Variants in EYA2 observed in about 807,000 individuals in gnomAD.
EYA2 encodes EYA transcriptional coactivator and phosphatase 2, also known as protein phosphatase EYA2.
A neutral mutation model predicts 69.2 loss-of-function variants in EYA2; 31 were observed. The observed-to-expected ratio is 0.45, with a 90% confidence interval of 0.34 to 0.60. The LOEUF (loss-of-function observed/expected upper bound fraction) is 0.60. Among genes scored for constraint, EYA2 ranks in the 20% least tolerant of loss-of-function variants. The pLI is 0.02. For missense variants in EYA2, 622 were observed against 701.2 expected (o/e 0.89, Z 1.28); for synonymous variants, 257 against 279.4 (o/e 0.92, Z 0.80).
At chr20:47,034,130 T>A (rs73123721) in intron 5 of EYA2, among the ~76,000 whole-genome samples, 2,789 of 152,360 alleles carry the variant, frequency 0.018, 44 homozygotes, top group Non-Finnish European at 0.03. Context: ...AAACCCTAGG[T>A]TTAAGGTCTT....
At chr20:47,156,962 G>C (rs910730463) in intron 10 of EYA2, among the ~76,000 whole-genome samples, 10 of 151,940 alleles carry the variant, frequency 6.6e-5, no homozygotes, top group Non-Finnish European at 1.3e-4. Context: ...ACCACAGCAG[G>C]AGAGTTTGAG....
At chr20:47,112,894 C>T (rs1432385826) in intron 9 of EYA2, among the ~76,000 whole-genome samples, 3 of 31,528 alleles carry the variant, frequency 9.5e-5, no homozygotes, top group South Asian at 1.2e-3. Context: ...TTTTTTGAGA[C>T]GGAGTCTTAT....
chr20:46,945,761 C>G (rs1260690845), intron 1 of EYA2, among the ~76,000 whole-genome samples: 1 of 152,230 alleles, frequency 6.6e-6, no homozygotes, highest in Non-Finnish European at 1.5e-5. Context: ...TCTGCCTAGT[C>G]AGCTTTTGTA....
Position 47,004,909 on chromosome 20 carries a change from C to T in EYA2, c.156-33C>T, listed in dbSNP as rs748079266. On this transcript the variant is annotated intron_variant, in intron 3 of 15. Transcript: ENST00000327619. Reference sequence around the variant, plus strand: ...AAGGAAGAAGGGGTGCCAGACTGGGCCTGGAGATTTAATCTTCCCTCTTTC... The same window carrying T: ...AAGGAAGAAGGGGTGCCAGACTGGGTCTGGAGATTTAATCTTCCCTCTTTC... 11 of 1,613,986 alleles carry T rather than the reference C, an allele frequency of 6.8e-6. No individual in the cohort carries two copies. In the South Asian group the frequency reaches 7.7e-5, roughly 11 times the overall value.
At chr20:47,163,768 G>A (rs1371068526) in intron 10 of EYA2, among the ~76,000 whole-genome samples, 1 of 150,730 alleles carries the variant, frequency 6.6e-6, no homozygotes, top group Non-Finnish European at 1.5e-5. Flanking sequence ...CCACTGAATG[G>A]ATATACCACA....
intron 9 of EYA2, among the ~76,000 whole-genome samples, chr20:47,139,684 C>T (rs1349374391): frequency 2.6e-5 from 4 of 152,172 alleles, no homozygotes; most frequent in Non-Finnish European, 5.9e-5. Context: ...CCCGCCTCGG[C>T]CTCCCAAAGC....
At chr20:47,004,877 T>G (rs767986550) in intron 3 of EYA2, 65 bp from the exon 4 acceptor site, 25 of 1,611,988 alleles carry the variant, frequency 1.6e-5, no homozygotes, top group Non-Finnish European at 2.1e-5. Flanking sequence ...GGTGTTGATA[T>G]CAAGATAAGG....
At chr20:47,135,931 T>C in intron 9 of EYA2, among the ~76,000 whole-genome samples, 1 of 147,328 alleles carries the variant, frequency 6.8e-6, no homozygotes, top group Non-Finnish European at 1.5e-5. Context: ...GAGGCTGAGG[T>C]GTGAGGATCA....
chr20:47,139,314 A>G (rs1299436037), intron 9 of EYA2, among the ~76,000 whole-genome samples: 2 of 152,252 alleles, frequency 1.3e-5, no homozygotes, highest in Non-Finnish European at 2.9e-5. Context: ...TCATAGTTCT[A>G]CAAAGGAATA....
chr20:47,037,352 A>G (rs1383182769), intron 5 of EYA2, among the ~76,000 whole-genome samples: 2 of 152,226 alleles, frequency 1.3e-5, no homozygotes, highest in Non-Finnish European at 2.9e-5. Flanking sequence ...TAGTGATTAA[A>G]TGAGTCAAAA....
chr20:47,113,802 C>G (rs185152882), intron 9 of EYA2, among the ~76,000 whole-genome samples: 1 of 152,164 alleles, frequency 6.6e-6, no homozygotes. Context: ...TTCTGCTTTT[C>G]AGAGTGAATC....
At chr20:47,025,071 C>T (rs57643995) in intron 5 of EYA2, among the ~76,000 whole-genome samples, 3,388 of 152,244 alleles carry the variant, frequency 0.022, 90 homozygotes, top group African/African-American at 0.067. Context: ...TGCATTTTGC[C>T]CTTGTTTCCA....
At chr20:46,929,604 C>A (rs1442548165) in intron 1 of EYA2, among the ~76,000 whole-genome samples, 1 of 151,934 alleles carries the variant, frequency 6.6e-6, no homozygotes, top group African/African-American at 2.4e-5. Flanking sequence ...TACAGGGAGT[C>A]CAGCTTTAAG....
At chr20:47,051,348 G>A (rs988321650) in intron 5 of EYA2, among the ~76,000 whole-genome samples, 7 of 152,212 alleles carry the variant, frequency 4.6e-5, no homozygotes, top group Non-Finnish European at 1.0e-4. Flanking sequence ...GAAGAAGTAG[G>A]GGGGCGGATT....
intron 9 of EYA2, among the ~76,000 whole-genome samples, chr20:47,138,509 G>A (rs1031337738): frequency 6.6e-6 from 1 of 152,130 alleles, no homozygotes; most frequent in African/African-American, 2.4e-5. Context: ...TAGCACTTTG[G>A]GAGGCCGAGG....
intron 5 of EYA2, among the ~76,000 whole-genome samples, chr20:47,053,685 A>AT (rs1368609615): frequency 6.6e-6 from 1 of 150,706 alleles, no homozygotes; most frequent in Non-Finnish European, 1.5e-5. Context: ...AAAAAAAAAA[A>AT]AGAGTAAGAT....
At chr20:47,029,772 T>TAC (rs1244788838) in intron 5 of EYA2, among the ~76,000 whole-genome samples, 1 of 152,212 alleles carries the variant, frequency 6.6e-6, no homozygotes, top group South Asian at 2.1e-4. Flanking sequence ...CTACAACACA[T>TAC]AATTGAACAT....
At chr20:47,084,858 C>T (rs1463914734) in intron 7 of EYA2, among the ~76,000 whole-genome samples, 1 of 131,038 alleles carries the variant, frequency 7.6e-6, no homozygotes, top group Non-Finnish European at 1.6e-5. Context: ...TTTTTTGAGA[C>T]AGGTTCTCAC....
At chr20:47,179,510 A>G (rs1286944187) in intron 12 of EYA2, among the ~76,000 whole-genome samples, 1 of 113,114 alleles carries the variant, frequency 8.8e-6, no homozygotes, top group African/African-American at 3.5e-5. Flanking sequence ...GGGTGGATGG[A>G]TGGGTGGATA....
Sources: gnomAD v4.1 joint callset for allele counts (sites outside exome capture counted in the v4.1 genomes callset) on GRCh38, gnomAD v4.1.1 for gene constraint, MANE v1.5 for transcripts, NCBI Gene and HGNC (gene_info 2026-07-23, HGNC 2026-07-21) for gene names.